HERC2: variants seen among roughly 807,000 people sequenced by gnomAD.
HERC2 encodes the protein E3 ubiquitin-protein ligase HERC2.
A neutral mutation model predicts 537.7 loss-of-function variants in HERC2; 102 were observed. The observed-to-expected ratio is 0.19, with a 90% CI of 0.16 to 0.22. The LOEUF is 0.22. HERC2 is among the 10% of genes least tolerant of loss of function. HERC2 has a pLI of 1.00. For synonymous variants in HERC2, 2,224 were observed against 2,466.2 expected (o/e 0.90, Z 2.91); for missense variants, 4,236 against 6,198.2 (o/e 0.68, Z 10.63).
intron 86 of HERC2, among the ~76,000 whole-genome samples, chr15:28,119,537 T>G (rs563010820): frequency 6.7e-6 from 1 of 149,694 alleles, no homozygotes; most frequent in African/African-American, 2.5e-5. Flanking sequence ...CACTACAACC[T>G]CTGCCTCCCG....
intron 4 of HERC2, among the ~76,000 whole-genome samples, chr15:28,286,041 C>T (rs945402293): frequency 1.2e-4 from 18 of 151,516 alleles, no homozygotes; most frequent in African/African-American, 4.4e-4. Flanking sequence ...TCAAAGAATC[C>T]GAAAAAAAAG....
chr15:28,161,504 C>T (rs955797478), intron 69 of HERC2, among the ~76,000 whole-genome samples: 2 of 152,206 alleles, frequency 1.3e-5, no homozygotes, highest in Admixed American at 6.5e-5. Flanking sequence ...AGGAAGCCCA[C>T]GGCCTTTACG....
chr15:28,285,906 T>G (rs1210868208), intron 4 of HERC2, among the ~76,000 whole-genome samples: 3 of 151,456 alleles, frequency 2.0e-5, no homozygotes, highest in Non-Finnish European at 4.4e-5. Flanking sequence ...ACTCTACACA[T>G]GTAACTTTGA....
At chr15:28,144,316 G>A in intron 72 of HERC2, 81 bp from the exon 73 acceptor site, 1 of 1,469,278 alleles carries the variant, frequency 6.8e-7, no homozygotes. Context: ...AACAAGGGTG[G>A]CTCCACCCAG....
chr15:28,226,332 G>A (rs981859451), intron 35 of HERC2, among the ~76,000 whole-genome samples: 21 of 151,730 alleles, frequency 1.4e-4, no homozygotes, highest in African/African-American at 4.9e-4. Flanking sequence ...AAATCATCTT[G>A]AGAAAGAAAA....
In HERC2 at chr15:28,114,713, T is replaced by G; in HGVS notation, c.13812A>C (p.Thr4604=). The part of the protein sequence containing the change: ...EEFEAMSLPF[T]VPSASGQDIQ... ...TGTCCTGGCCACTGGCACTTGGCACTGTGAAGGGCAGGCTCATGGCTTCAA... is the reference window on the plus strand; with the variant it reads ...TGTCCTGGCCACTGGCACTTGGCACGGTGAAGGGCAGGCTCATGGCTTCAA... The change falls in exon 90 of 93, where the codon ACA becomes ACC. Residue 4604 remains threonine (T), a synonymous_variant. Coordinates refer to ENST00000261609, the MANE Select transcript of HERC2 (RefSeq NM_004667.6). The G allele has an allele frequency of 6.2e-7, 1 of 1,614,140 alleles. No individual in the cohort carries two copies.
intron 2 of HERC2, among the ~76,000 whole-genome samples, chr15:28,320,843 G>C (rs2077210326): frequency 6.6e-6 from 1 of 152,014 alleles, no homozygotes; most frequent in African/African-American, 2.4e-5. Flanking sequence ...TCACATTCTT[G>C]ATGTGAAAAT....
intron 55 of HERC2, among the ~76,000 whole-genome samples, chr15:28,187,397 T>C (rs1376521489): frequency 6.6e-6 from 1 of 151,984 alleles, no homozygotes; most frequent in Non-Finnish European, 1.5e-5. Flanking sequence ...AGTGGTGCAA[T>C]CTTGGTTCAT....
At chr15:28,175,361 G>C (rs2140144462) in intron 64 of HERC2, 151 bp downstream of exon 64, 2 of 772,414 alleles carry the variant, frequency 2.6e-6, no homozygotes, top group African/African-American at 1.7e-5. Context: ...GTGGGCAAAA[G>C]GAACAGGACC....
At chr15:28,300,565 G>A (rs574413134) in intron 2 of HERC2, among the ~76,000 whole-genome samples, 3,013 of 150,918 alleles carry the variant, frequency 0.02, 9 homozygotes, top group African/African-American at 0.07. Context: ...GCTCACACCC[G>A]TAATCCCAGC....
intron 64 of HERC2, among the ~76,000 whole-genome samples, chr15:28,175,231 A>AG (rs1231095098): frequency 2.6e-5 from 4 of 152,068 alleles, no homozygotes; most frequent in Non-Finnish European, 5.9e-5. Flanking sequence ...ATCTTGCACT[A>AG]GGAGCATCTT....
chr15:28,217,105 C>T (rs1205317265), intron 38 of HERC2, among the ~76,000 whole-genome samples: 1 of 115,678 alleles, frequency 8.6e-6, no homozygotes, highest in Non-Finnish European at 1.6e-5. Context: ...CGCACACTTA[C>T]ACACTTGTGC....
chr15:28,168,563 C>T lies in HERC2; in HGVS notation c.10257G>A (p.Pro3419=), dbSNP rs372361554. 83 of 1,613,826 alleles carry T rather than the reference C, an allele frequency of 5.1e-5. No individual in the cohort carries two copies. The highest frequency in any genetic ancestry group is 4.8e-4 in the South Asian group (44 of 91,044). Residue 3419 remains proline, a synonymous_variant, in exon 67 of 93, where the codon CCG becomes CCA. Transcript: ENST00000261609. ...ARDAVVGALM[P]AAMIAPVECP... ...ACTCCACCGGGGCGATCATGGCGGC[C>T]GGCATCAGGGCCCCGACAACAGCAT...
At chr15:28,287,266 T>C (rs1433183605) in intron 4 of HERC2, among the ~76,000 whole-genome samples, 2 of 152,186 alleles carry the variant, frequency 1.3e-5, no homozygotes, top group Non-Finnish European at 2.9e-5. Context: ...GGAGCTATTC[T>C]AATAGCTACA....
chr15:28,203,269 GCT>G (rs1898067262), intron 45 of HERC2: 1 of 133,670 alleles, frequency 7.5e-6, no homozygotes, highest in Non-Finnish European at 1.6e-5. Flanking sequence ...CTCCCCAGCT[GCT>G]CTCATAGCAC....
chr15:28,217,980 G>A lies in HERC2; in HGVS notation c.6028+509C>T, dbSNP rs2525903. 2.0e-4 allele frequency among the ~76,000 whole-genome samples: 30 copies of A among 152,122 alleles called. No individual in the cohort carries two copies. The South Asian group carries it at 6.0e-3, about 30-fold the overall frequency. On this transcript the variant is annotated intron_variant, in intron 38 of 92. Coordinates refer to ENST00000261609, the MANE Select transcript of HERC2 (RefSeq NM_004667.6). Reference sequence around the variant, plus strand: ...CTGAGAGAACAAATTTGTTGTTTGAGGCCAGTGTTATGGGTTGAATTCAGA... The same window carrying A: ...CTGAGAGAACAAATTTGTTGTTTGAAGCCAGTGTTATGGGTTGAATTCAGA...
intron 69 of HERC2, among the ~76,000 whole-genome samples, chr15:28,161,407 G>A (rs1893578286): frequency 6.6e-6 from 1 of 152,204 alleles, no homozygotes; most frequent in Non-Finnish European, 1.5e-5. Context: ...GGCACCCAGA[G>A]AAACGGATGA....
At chr15:28,134,280 T>C in intron 79 of HERC2, among the ~76,000 whole-genome samples, 1 of 152,232 alleles carries the variant, frequency 6.6e-6, no homozygotes, top group East Asian at 1.9e-4. Flanking sequence ...CGTATATGTA[T>C]ACGTATAGAT....
chr15:28,313,510 G>A (rs2077002049), intron 2 of HERC2, among the ~76,000 whole-genome samples: 1 of 152,066 alleles, frequency 6.6e-6, no homozygotes, highest in Non-Finnish European at 1.5e-5. Flanking sequence ...TATAGAGTCA[G>A]GCAATAAAAT....
Sources: gnomAD v4.1 joint callset for allele counts (sites outside exome capture counted in the v4.1 genomes callset) on GRCh38, gnomAD v4.1.1 for gene constraint, MANE v1.5 for transcripts, NCBI Gene and HGNC (gene_info 2026-07-23, HGNC 2026-07-21) for gene names.